The following PSD2 variants were observed in gnomAD, a reference collection of about 807,000 sequenced individuals.
The protein encoded by PSD2 is pleckstrin and Sec7 domain containing 2.
Under a neutral mutation model 69.8 loss-of-function variants are expected in PSD2, and 38 were observed. The ratio of observed to expected loss-of-function variants is 0.54; its 90% CI spans 0.42 to 0.71. PSD2 has a LOEUF of 0.71. PSD2 is among the 30% of genes least tolerant of loss of function. The pLI, the probability that PSD2 is intolerant of heterozygous loss-of-function variation, is 0.00. For missense variants in PSD2, 943 were observed against 1,014.5 expected (o/e 0.93, Z 0.96); for synonymous variants, 412 against 423.0 (o/e 0.97, Z 0.32).
the PSD2 span, among the ~76,000 whole-genome samples, chr5:139,746,581 G>A: frequency 6.6e-6 from 1 of 152,178 alleles, no homozygotes; most frequent in Non-Finnish European, 1.5e-5. The surrounding 1 kb of genome is among the most constrained non-coding windows in gnomAD (Gnocchi z 4.5). Context: ...CGAGAAGTGA[G>A]GCACCCCCGC....
chr5:139,793,771 C>A (rs540961444), upstream of PSD2, among the ~76,000 whole-genome samples: 1 of 152,318 alleles, frequency 6.6e-6, no homozygotes, highest in Admixed American at 6.5e-5. Flanking sequence ...ACAGCTGGAA[C>A]AGCCATGGCC....
the PSD2 span, among the ~76,000 whole-genome samples, chr5:139,780,692 C>G: frequency 4.6e-5 from 7 of 152,210 alleles, no homozygotes; most frequent in Non-Finnish European, 1.0e-4. Flanking sequence ...GATCCACCAG[C>G]CTCGGCCTCC....
chr5:139,755,168 C>T, the PSD2 span, among the ~76,000 whole-genome samples: 2 of 152,232 alleles, frequency 1.3e-5, no homozygotes, highest in South Asian at 2.1e-4. Flanking sequence ...CCCCTTCCCA[C>T]TGTCAGGTCC....
intron 1 of PSD2, among the ~76,000 whole-genome samples, chr5:139,796,342 A>C (rs1025130458): frequency 2.6e-5 from 4 of 152,084 alleles, no homozygotes; most frequent in Admixed American, 2.6e-4. Context: ...ATCTGGGGGT[A>C]CGCGTGTGCG....
intron 1 of PSD2, among the ~76,000 whole-genome samples, chr5:139,799,817 G>A (rs551630437): frequency 2.6e-5 from 4 of 152,148 alleles, no homozygotes; most frequent in Non-Finnish European, 4.4e-5. Flanking sequence ...GATTTAGGAA[G>A]CAGAACGGAC....
chr5:139,801,381 G>T (rs902826206), intron 1 of PSD2, among the ~76,000 whole-genome samples: 1 of 152,136 alleles, frequency 6.6e-6, no homozygotes, highest in Non-Finnish European at 1.5e-5. Flanking sequence ...GCTGCACCCA[G>T]TGGTCAATTC....
At chr5:139,758,931 G>T in the PSD2 span, among the ~76,000 whole-genome samples, 22,901 of 152,138 alleles carry the variant, frequency 0.15, 1,778 homozygotes, top group African/African-American at 0.2. Context: ...CCTTCTTGCC[G>T]CTGGGAGGTT....
At chr5:139,772,156 C>G in the PSD2 span, among the ~76,000 whole-genome samples, 1 of 152,116 alleles carries the variant, frequency 6.6e-6, no homozygotes, top group African/African-American at 2.4e-5. Context: ...GGAAGGGCAG[C>G]TGGGTGGGAG....
chr5:139,750,161 T>C, the PSD2 span, among the ~76,000 whole-genome samples: 1 of 151,768 alleles, frequency 6.6e-6, no homozygotes, highest in East Asian at 1.9e-4. Flanking sequence ...CCGTCTCTAC[T>C]AAAAATACAA....
rs1173856634 is a variant in PSD2, at chr5:139,820,604, G to A, written c.1098-1289G>A. ...GCATTGCAGCATTCTGGGCCAAAAC[G>A]AAATGAACTATAGCAAAAATTAGGA... is the stretch of plus-strand genomic sequence containing the variant. On this transcript the variant is annotated intron_variant, in intron 5 of 14. Coordinates refer to ENST00000274710, the MANE Select transcript of PSD2 (RefSeq NM_032289.4). Among the ~76,000 whole-genome samples the A allele has an allele frequency of 6.6e-5, 10 of 152,256 alleles. 1 individual carries two copies. In the South Asian group the frequency reaches 8.3e-4, roughly 13 times the overall value.
At chr5:139,823,373 C>G (rs1305592680) in intron 7 of PSD2, among the ~76,000 whole-genome samples, 1 of 152,166 alleles carries the variant, frequency 6.6e-6, no homozygotes, top group Non-Finnish European at 1.5e-5. Flanking sequence ...CACCATGTTG[C>G]CCTTCTGTGT....
At chr5:139,836,759 TGCGGGGCCGAG>T (rs1760729457) in intron 9 of PSD2, 41 bp from the exon 10 acceptor site, 1 of 1,539,718 alleles carries the variant, frequency 6.5e-7, no homozygotes, top group Non-Finnish European at 8.9e-7. Context: ...GCCATGACGA[TGCGGGGCCGAG>T]GCCTCCCTGG....
Position 139,814,419 on chromosome 5 carries a change from C to T in PSD2, c.1016+55C>T. The T allele has an allele frequency of 1.3e-6, 2 of 1,498,406 alleles. No individual in the cohort carries two copies. Among genetic ancestry groups the T allele is most frequent in the Admixed American group, 2.2e-5 (1 of 45,714 alleles). The allele number at this position is 1,498,406 out of a possible 1,614,324, so 92.8% of individuals were successfully genotyped here. On this transcript the variant is annotated intron_variant, in intron 4 of 14. Transcript: ENST00000274710. The surrounding 1 kb of genome is among the most constrained non-coding windows in gnomAD (Gnocchi z 4.4). ...TGGGCAAACCTCGTGTCTTCCTCAACCTGAAGAGGGTGTGGGTGACCTTCT... is the reference window on the plus strand; with the variant it reads ...TGGGCAAACCTCGTGTCTTCCTCAATCTGAAGAGGGTGTGGGTGACCTTCT...
At chr5:139,782,849 G>A in the PSD2 span, among the ~76,000 whole-genome samples, 2 of 152,142 alleles carry the variant, frequency 1.3e-5, no homozygotes, top group Non-Finnish European at 2.9e-5. Flanking sequence ...TGGTAGAATA[G>A]CATAAGATTT....
the PSD2 span, among the ~76,000 whole-genome samples, chr5:139,780,709 G>T: frequency 1.3e-5 from 2 of 152,192 alleles, no homozygotes; most frequent in Admixed American, 6.5e-5. Flanking sequence ...CTCCCAAAGC[G>T]CTGGGATTAC....
the PSD2 span, among the ~76,000 whole-genome samples, chr5:139,764,905 C>T: frequency 6.6e-6 from 1 of 152,132 alleles, no homozygotes; most frequent in East Asian, 1.9e-4. Context: ...GATCTAAGTC[C>T]TGGCTGTGAA....
chr5:139,747,653 G>A, the PSD2 span, among the ~76,000 whole-genome samples: 1 of 152,238 alleles, frequency 6.6e-6, no homozygotes, highest in African/African-American at 2.4e-5. The surrounding 1 kb of genome is among the most constrained non-coding windows in gnomAD (Gnocchi z 6.7). Context: ...GCCGGACGTG[G>A]GGGCCGGCGT....
the PSD2 span, among the ~76,000 whole-genome samples, chr5:139,787,227 T>C: frequency 6.6e-6 from 1 of 152,202 alleles, no homozygotes; most frequent in Non-Finnish European, 1.5e-5. Flanking sequence ...GTCATGGGCA[T>C]GAACGGGGCA....
intron 9 of PSD2, 126 bp downstream of exon 9, chr5:139,835,892 C>A (rs1048345644): frequency 6.8e-6 from 6 of 885,352 alleles, no homozygotes; most frequent in African/African-American, 6.6e-5. Context: ...GGGCCTGATA[C>A]CTGTGTCTAG....
Sources: gnomAD v4.1 joint callset for allele counts (sites outside exome capture counted in the v4.1 genomes callset) on GRCh38, gnomAD v4.1.1 for gene constraint, Gnocchi (gnomAD v3.1) non-coding constraint, MANE v1.5 for transcripts, NCBI Gene and HGNC (gene_info 2026-07-23, HGNC 2026-07-21) for gene names.